Variants in ACOT1 observed in about 807,000 individuals in gnomAD.
The protein encoded by ACOT1 is acyl-coenzyme A thioesterase 1.
ACOT1 carries 8 observed loss-of-function variants against 15.7 expected under a neutral mutation model. The ratio of observed to expected loss-of-function variants is 0.51; its 90% CI spans 0.30 to 0.92. The LOEUF (loss-of-function observed/expected upper bound fraction) is 0.92. Ranked by LOEUF, ACOT1 falls within the 40% of genes least tolerant of loss-of-function variation. ACOT1 has a pLI of 0.06. For synonymous variants in ACOT1, 67 were observed against 241.2 expected (o/e 0.28, Z 6.69); for missense variants, 151 against 539.4 (o/e 0.28, Z 7.13).
At chr14:73,512,974 T>C in the ACOT1 span, among the ~76,000 whole-genome samples, 1 of 152,202 alleles carries the variant, frequency 6.6e-6, no homozygotes, top group African/African-American at 2.4e-5. Flanking sequence ...CATTACTTTG[T>C]CCCAGGCACT....
At chr14:73,516,861 G>A in the ACOT1 span, among the ~76,000 whole-genome samples, 1 of 152,204 alleles carries the variant, frequency 6.6e-6, no homozygotes, top group Non-Finnish European at 1.5e-5. Context: ...ATGATCTGAG[G>A]TGGAACCATT....
At chr14:73,519,250 A>G in the ACOT1 span, 1 of 1,403,654 alleles carries the variant, frequency 7.1e-7, no homozygotes, top group Non-Finnish European at 9.7e-7. Context: ...ATCAGACCCA[A>G]CTTCCTTTTG....
At chr14:73,500,046 G>A in the ACOT1 span, among the ~76,000 whole-genome samples, 1,713 of 152,222 alleles carry the variant, frequency 0.011, 39 homozygotes, top group African/African-American at 0.039. Flanking sequence ...TGGCTAACAC[G>A]GTGAAACCCC....
At chr14:73,513,952 C>T in the ACOT1 span, 1 of 1,441,320 alleles carries the variant, frequency 6.9e-7, no homozygotes, top group East Asian at 2.3e-5. Context: ...ATGGATTTTT[C>T]AAAGACTGAG....
At chr14:73,506,620 T>C in the ACOT1 span, 5 of 1,376,516 alleles carry the variant, frequency 3.6e-6, no homozygotes, top group South Asian at 3.5e-5. Flanking sequence ...CTTTTAGAGA[T>C]ACTAGAACCT....
chr14:73,502,973 C>G, the ACOT1 span: 1 of 1,614,066 alleles, frequency 6.2e-7, no homozygotes, highest in Non-Finnish European at 8.5e-7. Flanking sequence ...TTCCTTATTC[C>G]AGTCATTCCA....
rs1268093650 is a variant in ACOT1 at position 73,538,335 on chromosome 14, T to C, written c.457+457T>C. Among the ~76,000 whole-genome samples the C allele has an allele frequency of 3.5e-5, 4 of 113,876 alleles. 2 individuals are homozygous for C. Among genetic ancestry groups the C allele is most frequent in the Non-Finnish European group, 3.8e-5 (2 of 52,420 alleles). The allele number at this position is 113,876 out of a possible 152,430, so 74.7% of individuals were successfully genotyped here. On this transcript the variant is annotated intron_variant, in intron 1 of 2. Transcript: ENST00000311148. ...CTCAGTTAAAAGACATTGTAAGGGCTGGGCGCGCTGGCTCACGCCTGTAAT... is the reference window on the plus strand; with the variant it reads ...CTCAGTTAAAAGACATTGTAAGGGCCGGGCGCGCTGGCTCACGCCTGTAAT...
the ACOT1 span, among the ~76,000 whole-genome samples, chr14:73,501,979 T>G: frequency 6.6e-6 from 1 of 151,296 alleles, no homozygotes; most frequent in Non-Finnish European, 1.5e-5. Context: ...TCTCCTGACC[T>G]TGTGATCCAC....
At chr14:73,507,677 A>G in the ACOT1 span, among the ~76,000 whole-genome samples, 1 of 151,452 alleles carries the variant, frequency 6.6e-6, no homozygotes, top group Non-Finnish European at 1.5e-5. Flanking sequence ...CTCAAGGGAT[A>G]CTCCCACCTC....
the ACOT1 span, among the ~76,000 whole-genome samples, chr14:73,509,880 T>A: frequency 3.2e-5 from 4 of 125,686 alleles, no homozygotes; most frequent in African/African-American, 1.2e-4. Flanking sequence ...TTATTTATTT[T>A]ATATATTTTT....
At chr14:73,500,836 A>C in the ACOT1 span, 1 of 986,812 alleles carries the variant, frequency 1.0e-6, no homozygotes, top group Non-Finnish European at 1.5e-6. Context: ...GTAGGCTGTC[A>C]ATCCCATTCA....
At chr14:73,530,794 A>ATTTTT in the ACOT1 span, among the ~76,000 whole-genome samples, 52 of 57,764 alleles carry the variant, frequency 9.0e-4, no homozygotes, top group East Asian at 3.5e-3. Flanking sequence ...TCTCGGTTAA[A>ATTTTT]TTTTTTTTTT....
At chr14:73,493,870 T>G in the ACOT1 span, among the ~76,000 whole-genome samples, 1 of 152,306 alleles carries the variant, frequency 6.6e-6, no homozygotes, top group South Asian at 2.1e-4. Context: ...AAGAATCTTA[T>G]CTGATTGGGA....
the ACOT1 span, among the ~76,000 whole-genome samples, chr14:73,515,337 C>A: frequency 6.6e-6 from 1 of 152,152 alleles, no homozygotes; most frequent in Admixed American, 6.5e-5. Context: ...TGAATCAATT[C>A]TTTCCTTTGA....
At chr14:73,508,079 C>T in the ACOT1 span, 1 of 1,536,198 alleles carries the variant, frequency 6.5e-7, no homozygotes, top group South Asian at 1.1e-5. Context: ...ATTCACTGAC[C>T]TCAAAGACCT....
At chr14:73,509,858 A>ATT in the ACOT1 span, among the ~76,000 whole-genome samples, 3 of 59,230 alleles carry the variant, frequency 5.1e-5, no homozygotes, top group African/African-American at 2.4e-4. Context: ...ATATATATAT[A>ATT]TATATATATA....
At chr14:73,496,786 C>T in the ACOT1 span, 3 of 676,628 alleles carry the variant, frequency 4.4e-6, no homozygotes, top group East Asian at 2.6e-5. Flanking sequence ...AAGTTCCAAT[C>T]CTAACTGTGC....
At chr14:73,493,321 G>A in the ACOT1 span, 7 of 561,122 alleles carry the variant, frequency 1.2e-5, no homozygotes, top group East Asian at 2.1e-4. Flanking sequence ...TGGGCGGGTC[G>A]GGGTCAGTAT....
chr14:73,518,063 G>A, the ACOT1 span, among the ~76,000 whole-genome samples: 1 of 152,122 alleles, frequency 6.6e-6, no homozygotes, highest in East Asian at 1.9e-4. Flanking sequence ...TCCAGCCTGG[G>A]CGACAGAGCG....
Sources: allele counts gnomAD v4.1 joint callset (sites outside exome capture counted in the v4.1 genomes callset), GRCh38; gene constraint gnomAD v4.1.1; transcripts MANE v1.5; gene names NCBI Gene and HGNC (gene_info 2026-07-23, HGNC 2026-07-21).